GTF2F2: variants seen among roughly 807,000 people sequenced by gnomAD.
GTF2F2 encodes general transcription factor IIF subunit 2.
In GTF2F2, 23 loss-of-function variants were observed where a neutral mutation model predicts 42.2. That is an observed-to-expected ratio of 0.55 (90% confidence interval 0.39 to 0.77). The LOEUF is 0.77. GTF2F2 is among the 30% of genes least tolerant of loss of function. The probability of loss-of-function intolerance (pLI) is 0.00; values close to 1 mark genes in which losing one functional copy is unlikely to be tolerated. For missense variants in GTF2F2, 261 were observed against 287.2 expected (o/e 0.91, Z 0.66); for synonymous variants, 105 against 100.8 (o/e 1.04, Z -0.25).
rs572284745 is a variant in GTF2F2 at position 45,185,460 on chromosome 13, T to TA, written c.305-21963dup. On this transcript the variant is annotated intron_variant, in intron 4 of 7. Transcript: ENST00000340473. ...TACATATTGTAAGCACATGTAGACT[T>TA]ACACATGTTGTAAATGCCTGCGGTT... is the stretch of plus-strand genomic sequence containing the variant. Among the ~76,000 whole-genome samples, 31 of 152,354 alleles carry TA rather than the reference T, an allele frequency of 2.0e-4. No individual in the cohort carries two copies. The South Asian group carries it at 3.9e-3, about 19-fold the overall frequency.
intron 5 of GTF2F2, among the ~76,000 whole-genome samples, chr13:45,247,129 C>G (rs1047389051): frequency 6.6e-6 from 1 of 151,660 alleles, no homozygotes; most frequent in African/African-American, 2.4e-5. Flanking sequence ...GCGGGCAGAT[C>G]ACTTGAGGAC....
At chr13:45,265,666 G>A (rs1427757745) in intron 6 of GTF2F2, among the ~76,000 whole-genome samples, 1 of 152,128 alleles carries the variant, frequency 6.6e-6, no homozygotes, top group East Asian at 1.9e-4. Flanking sequence ...TAATTTGACA[G>A]TCTCTCATAA....
chr13:45,162,574 C>A lies in GTF2F2; in HGVS notation c.304+10743C>A, dbSNP rs146804701. Among the ~76,000 whole-genome samples, 92 of 152,282 alleles carry A rather than the reference C, an allele frequency of 6.0e-4. No homozygotes were observed. In the East Asian group the frequency reaches 0.015, roughly 25 times the overall value. On this transcript the variant is annotated intron_variant, in intron 4 of 7. Transcript: ENST00000340473. ...CAGGTCTGCTCTCTGAAAAGTTAAACCTAATAGCAGAAAATGTTCCTTTAT... is the reference window on the plus strand; with the variant it reads ...CAGGTCTGCTCTCTGAAAAGTTAAAACTAATAGCAGAAAATGTTCCTTTAT...
At chr13:45,258,708 ACTTACT>A (rs1215851220) in intron 6 of GTF2F2, among the ~76,000 whole-genome samples, 2 of 152,198 alleles carry the variant, frequency 1.3e-5, no homozygotes, top group African/African-American at 4.8e-5. Context: ...TTTTGACAAA[ACTTACT>A]CTTAAAATTA....
intron 5 of GTF2F2, among the ~76,000 whole-genome samples, chr13:45,250,051 C>CTTTT (rs780347641): frequency 4.6e-4 from 46 of 100,876 alleles, no homozygotes; most frequent in East Asian, 2.5e-3. Flanking sequence ...TGCCTTATCT[C>CTTTT]TTTTTTTTTT....
At chr13:45,167,270 T>A (rs1163736203) in intron 4 of GTF2F2, among the ~76,000 whole-genome samples, 1 of 151,134 alleles carries the variant, frequency 6.6e-6, no homozygotes, top group African/African-American at 2.4e-5. Flanking sequence ...AGTCTCGCTC[T>A]GTTGCCCAGG....
At chr13:45,197,969 G>A (rs1365943749) in intron 4 of GTF2F2, among the ~76,000 whole-genome samples, 1 of 152,190 alleles carries the variant, frequency 6.6e-6, no homozygotes, top group African/African-American at 2.4e-5. Context: ...ATCTGCCTTT[G>A]CAGGCAAAAA....
Position 45,211,147 on chromosome 13 carries a change from T to A in GTF2F2, c.386+3642T>A, listed in dbSNP as rs145786464. On this transcript the variant is annotated intron_variant, in intron 5 of 7. Coordinates refer to ENST00000340473, the MANE Select transcript of GTF2F2 (RefSeq NM_004128.3). ...TGTCCTGTGCATTGCAAGGAAAGTTTACACTGATGAGAGGAGAGGGACAGG... is the reference window on the plus strand; with the variant it reads ...TGTCCTGTGCATTGCAAGGAAAGTTAACACTGATGAGAGGAGAGGGACAGG... 4.1e-4 allele frequency among the ~76,000 whole-genome samples: 63 copies of A among 152,302 alleles called. No individual in the cohort carries two copies. In the South Asian group the frequency reaches 4.6e-3, roughly 11 times the overall value.
intron 7 of GTF2F2, among the ~76,000 whole-genome samples, chr13:45,269,802 A>G (rs1380428324): frequency 6.6e-6 from 1 of 152,184 alleles, no homozygotes; most frequent in Admixed American, 6.6e-5. Flanking sequence ...CAATATGTTC[A>G]AATTATAATT....
At chr13:45,271,108 C>T (rs546940761) in intron 7 of GTF2F2, among the ~76,000 whole-genome samples, 12 of 152,096 alleles carry the variant, frequency 7.9e-5, no homozygotes, top group East Asian at 7.8e-4. Flanking sequence ...CTGGCTAACA[C>T]GGTGAAACCC....
chr13:45,153,645 G>C (rs915880182), intron 4 of GTF2F2, among the ~76,000 whole-genome samples: 4 of 152,074 alleles, frequency 2.6e-5, no homozygotes, highest in Non-Finnish European at 4.4e-5. Flanking sequence ...TCTGAAATTT[G>C]TCTGAAATTA....
intron 4 of GTF2F2, among the ~76,000 whole-genome samples, chr13:45,195,181 C>T (rs1426169320): frequency 1.3e-5 from 2 of 152,032 alleles, no homozygotes; most frequent in Non-Finnish European, 2.9e-5. Context: ...TGACACTGCA[C>T]TTGAATTTAA....
rs555899454 is a variant in GTF2F2 at position 45,158,204 on chromosome 13, G to A, written c.304+6373G>A. On this transcript the variant is annotated intron_variant, in intron 4 of 7. Coordinates refer to ENST00000340473, the MANE Select transcript of GTF2F2 (RefSeq NM_004128.3). ...TGGTGGGAGATAATTGAATCATGGA[G>A]GCAGCTTCCCCCATACTGTTCTTGT... Among the ~76,000 whole-genome samples the A allele has an allele frequency of 5.5e-4, 83 of 152,276 alleles. No homozygotes were observed. In the East Asian group the frequency reaches 7.3e-3, roughly 13 times the overall value.
chr13:45,232,556 G>A (rs1320709854), intron 5 of GTF2F2, among the ~76,000 whole-genome samples: 2 of 152,112 alleles, frequency 1.3e-5, no homozygotes, highest in African/African-American at 4.8e-5. Flanking sequence ...GATCGCTTGA[G>A]TCCAGGAGGT....
chr13:45,260,041 G>A (rs1876271499), intron 6 of GTF2F2, among the ~76,000 whole-genome samples: 1 of 150,674 alleles, frequency 6.6e-6, no homozygotes, highest in African/African-American at 2.4e-5. Flanking sequence ...AACCTTAACT[G>A]TGCTCAGATG....
At chr13:45,273,971 GAA>G (rs1347195235) in intron 7 of GTF2F2, among the ~76,000 whole-genome samples, 1 of 152,200 alleles carries the variant, frequency 6.6e-6, no homozygotes, top group Non-Finnish European at 1.5e-5. Context: ...CTGCGTTTAA[GAA>G]AACATTATTC....
chr13:45,266,987 A>C (rs1876590243), intron 6 of GTF2F2, among the ~76,000 whole-genome samples: 1 of 152,120 alleles, frequency 6.6e-6, no homozygotes, highest in African/African-American at 2.4e-5. Flanking sequence ...GTCTCTACCA[A>C]AAATACAAAA....
At chr13:45,280,326 A>G (rs369536024) in intron 7 of GTF2F2, among the ~76,000 whole-genome samples, 1 of 152,182 alleles carries the variant, frequency 6.6e-6, no homozygotes, top group African/African-American at 2.4e-5. Context: ...GAGGAAGGAC[A>G]TGTGCTCTTT....
chr13:45,243,099 C>G (rs1875401005), intron 5 of GTF2F2, among the ~76,000 whole-genome samples: 1 of 151,952 alleles, frequency 6.6e-6, no homozygotes, highest in African/African-American at 2.4e-5. Context: ...TCTCGGTATC[C>G]CCAGGGGATT....
Sources: gnomAD v4.1 joint callset for allele counts (sites outside exome capture counted in the v4.1 genomes callset) on GRCh38, gnomAD v4.1.1 for gene constraint, MANE v1.5 for transcripts, NCBI Gene and HGNC (gene_info 2026-07-23, HGNC 2026-07-21) for gene names.